Variants in SEMA3C observed in about 807,000 individuals in gnomAD.
SEMA3C encodes semaphorin 3C.
SEMA3C carries 47 observed loss-of-function variants against 89.4 expected under a neutral mutation model. The ratio of observed to expected loss-of-function variants is 0.53; its 90% CI spans 0.42 to 0.67. The LOEUF (loss-of-function observed/expected upper bound fraction) is 0.67, where lower values mean the gene tolerates loss of function less well. SEMA3C is among the 30% of genes least tolerant of loss of function. SEMA3C has a pLI of 0.00. For missense variants in SEMA3C, 839 were observed against 929.1 expected (o/e 0.90, Z 1.26); for synonymous variants, 310 against 320.2 (o/e 0.97, Z 0.34).
At chr7:80,762,364 A>G (rs1788204887) in intron 13 of SEMA3C, among the ~76,000 whole-genome samples, 1 of 152,200 alleles carries the variant, frequency 6.6e-6, no homozygotes, top group Admixed American at 6.5e-5. Context: ...ATACTAGTTA[A>G]TACTCATTGT....
chr7:80,831,933 T>C (rs1790017468), intron 2 of SEMA3C, among the ~76,000 whole-genome samples: 2 of 152,184 alleles, frequency 1.3e-5, no homozygotes, highest in Non-Finnish European at 2.9e-5. Flanking sequence ...TACTTAGGTA[T>C]GGACAGATTA....
chr7:80,913,049 G>A (rs1792189248), intron 2 of SEMA3C, among the ~76,000 whole-genome samples: 1 of 152,004 alleles, frequency 6.6e-6, no homozygotes, highest in African/African-American at 2.4e-5. Context: ...GGAGACTTTG[G>A]CAGCTTTATT....
intron 2 of SEMA3C, among the ~76,000 whole-genome samples, chr7:80,893,168 T>C (rs376099336): frequency 6.6e-6 from 1 of 152,172 alleles, no homozygotes; most frequent in Non-Finnish European, 1.5e-5. Flanking sequence ...CTAGCCCTCC[T>C]TTTCTCCTAA....
chr7:80,778,159 T>C (rs1464927794), intron 12 of SEMA3C, among the ~76,000 whole-genome samples: 4 of 152,186 alleles, frequency 2.6e-5, no homozygotes, highest in Non-Finnish European at 5.9e-5. Flanking sequence ...CTAAAGAATA[T>C]TCACATAGGG....
chr7:80,906,027 A>G, intron 2 of SEMA3C: 1 of 468,140 alleles, frequency 2.1e-6, no homozygotes, highest in Non-Finnish European at 3.7e-6. Flanking sequence ...AGAAGGAGAG[A>G]CAGATGGACA....
chr7:80,800,934 G>T (rs572973603), intron 9 of SEMA3C, 108 bp from the exon 10 acceptor site: 2 of 581,264 alleles, frequency 3.4e-6, no homozygotes, highest in Admixed American at 3.4e-5. Context: ...TCTGCAAAAA[G>T]ATATTCCTGT....
At chr7:80,777,992 A>T (rs972852983) in intron 12 of SEMA3C, among the ~76,000 whole-genome samples, 1 of 152,162 alleles carries the variant, frequency 6.6e-6, no homozygotes, top group Admixed American at 6.5e-5. Context: ...AATATCTGCT[A>T]TATCTAATGT....
At chr7:80,821,819 C>A (rs1789755376) in intron 4 of SEMA3C, among the ~76,000 whole-genome samples, 1 of 152,090 alleles carries the variant, frequency 6.6e-6, no homozygotes, top group South Asian at 2.1e-4. Context: ...ATAAAGAGTT[C>A]TAGTTTTAAT....
intron 2 of SEMA3C, among the ~76,000 whole-genome samples, chr7:80,881,452 G>A (rs1399032926): frequency 6.6e-6 from 1 of 152,088 alleles, no homozygotes; most frequent in Non-Finnish European, 1.5e-5. Context: ...AAACAGAATT[G>A]ATACTTCCTC....
intron 12 of SEMA3C, among the ~76,000 whole-genome samples, chr7:80,778,066 T>TA (rs1012425480): frequency 1.2e-4 from 18 of 152,146 alleles, no homozygotes; most frequent in African/African-American, 3.9e-4. Flanking sequence ...CTGTGAGGGT[T>TA]AAAAAAACCC....
At chr7:80,788,078 G>A (rs868123972) in intron 12 of SEMA3C, among the ~76,000 whole-genome samples, 3 of 152,094 alleles carry the variant, frequency 2.0e-5, no homozygotes, top group South Asian at 4.1e-4. Flanking sequence ...CCTTATCTTA[G>A]CACACTTTGG....
At chr7:80,816,012 C>A (rs1384790238) in intron 5 of SEMA3C, 1 of 151,940 alleles carries the variant, frequency 6.6e-6, no homozygotes, top group East Asian at 1.9e-4. Context: ...TTATCTTTTT[C>A]CAGGAACAGA....
At chr7:80,847,568 T>C (rs902199733) in intron 2 of SEMA3C, among the ~76,000 whole-genome samples, 5 of 152,190 alleles carry the variant, frequency 3.3e-5, no homozygotes, top group African/African-American at 1.2e-4. Context: ...TTAAACAACA[T>C]TGGCATTGAG....
chr7:80,873,860 C>T (rs1791132505), intron 2 of SEMA3C, among the ~76,000 whole-genome samples: 1 of 152,120 alleles, frequency 6.6e-6, no homozygotes, highest in Admixed American at 6.6e-5. Flanking sequence ...GGTAGAAGCT[C>T]TAGTTAGGAT....
At chr7:80,838,719 G>A (rs1175002915) in intron 2 of SEMA3C, among the ~76,000 whole-genome samples, 2 of 152,106 alleles carry the variant, frequency 1.3e-5, no homozygotes, top group African/African-American at 4.8e-5. Context: ...GGAAAGCAAA[G>A]CTCCTCTTAC....
At position 80,743,518 on chromosome 7, in the gene SEMA3C, G is replaced by A. The variant is rs1160102309; in HGVS notation, c.*1376C>T. 6.6e-6 allele frequency: 1 copy of A among 151,768 alleles called. No individual in the cohort carries two copies. Among genetic ancestry groups the A allele is most frequent in the East Asian group, 1.9e-4 (1 of 5,184 alleles). 9.4% of individuals were successfully genotyped at this position (151,768 alleles called of 1,614,324 possible). ...AATATCTGTTTTTACCTGGAAGCATGAAAATGTCTTAAAAGGTAAATAAAA... is the reference window on the plus strand; with the variant it reads ...AATATCTGTTTTTACCTGGAAGCATAAAAATGTCTTAAAAGGTAAATAAAA... On this transcript the variant is annotated 3_prime_UTR_variant, in exon 18 of 18. Coordinates refer to ENST00000265361, the MANE Select transcript of SEMA3C (RefSeq NM_006379.5).
At chr7:80,794,499 A>C (rs1421139722) in intron 11 of SEMA3C, among the ~76,000 whole-genome samples, 1 of 152,142 alleles carries the variant, frequency 6.6e-6, no homozygotes, top group East Asian at 1.9e-4. Context: ...CACAACCAGA[A>C]GACGTATGTA....
At chr7:80,821,614 T>C (rs1789750212) in intron 4 of SEMA3C, among the ~76,000 whole-genome samples, 1 of 152,196 alleles carries the variant, frequency 6.6e-6, no homozygotes, top group African/African-American at 2.4e-5. Context: ...AGAGACGGGG[T>C]TTCATCATGT....
intron 2 of SEMA3C, among the ~76,000 whole-genome samples, chr7:80,875,317 T>A (rs1295734743): frequency 6.6e-6 from 1 of 152,136 alleles, no homozygotes; most frequent in East Asian, 1.9e-4. Flanking sequence ...TCCAAAGTTC[T>A]CCCTACTAAA....
Sources: allele counts gnomAD v4.1 joint callset (sites outside exome capture counted in the v4.1 genomes callset), GRCh38; gene constraint gnomAD v4.1.1; transcripts MANE v1.5; gene names NCBI Gene and HGNC (gene_info 2026-07-23, HGNC 2026-07-21).